IL1RL2: variants seen among roughly 807,000 people sequenced by gnomAD.
IL1RL2 encodes interleukin 1 receptor like 2, also known as interleukin-1 receptor-like 2.
In IL1RL2, 68 loss-of-function variants were observed where a neutral mutation model predicts 66.8. The observed-to-expected ratio is 1.02, with a 90% CI of 0.84 to 1.25. The LOEUF is 1.25. Ranked by LOEUF, IL1RL2 falls within the 50% of genes most tolerant of loss-of-function variation. The probability of loss-of-function intolerance (pLI) is 0.00; values close to 1 mark genes in which losing one functional copy is unlikely to be tolerated. For missense variants in IL1RL2, 729 were observed against 709.3 expected, an observed-to-expected ratio of 1.03 and a Z score of -0.32; for synonymous variants, 305 against 264.6, an observed-to-expected ratio of 1.15 and a Z score of -1.48.
At chr2:102,240,361 C>CTTT (rs551743835), downstream of IL1RL2, among the ~76,000 whole-genome samples, 1,143 of 79,748 alleles carry the variant, frequency 0.014, 135 homozygotes, top group East Asian at 0.056. Context: ...TCTTCTCCTC[C>CTTT]TTTTTTTTTT....
chr2:102,227,710 AG>A (rs1416155925), intron 9 of IL1RL2, among the ~76,000 whole-genome samples: 2 of 152,010 alleles, frequency 1.3e-5, no homozygotes, highest in Admixed American at 1.3e-4. Flanking sequence ...CACAGAGTTG[AG>A]TGGTTCAGTT....
At chr2:102,206,548 G>T (rs1296390396) in intron 5 of IL1RL2, among the ~76,000 whole-genome samples, 1 of 152,228 alleles carries the variant, frequency 6.6e-6, no homozygotes, top group Non-Finnish European at 1.5e-5. Context: ...ATCAGGCAGA[G>T]ACTTGTTCTC....
chr2:102,214,549 A>T (rs1689442375), intron 6 of IL1RL2, among the ~76,000 whole-genome samples: 1 of 152,206 alleles, frequency 6.6e-6, no homozygotes, highest in South Asian at 2.1e-4. Context: ...ACATAAAAGA[A>T]TATGTGTTTT....
At chr2:102,207,547 G>A (rs1411846273) in intron 5 of IL1RL2, among the ~76,000 whole-genome samples, 8 of 152,210 alleles carry the variant, frequency 5.3e-5, no homozygotes, top group African/African-American at 1.9e-4. Flanking sequence ...GGGAGGCCTG[G>A]AACAGGGGCT....
chr2:102,218,102 C>CA (rs1443996989), intron 6 of IL1RL2, among the ~76,000 whole-genome samples: 2 of 151,740 alleles, frequency 1.3e-5, no homozygotes, highest in African/African-American at 2.4e-5. Flanking sequence ...AAACAAAAAA[C>CA]AAAAAACAGA....
rs149503523 is a variant in IL1RL2 at position 102,226,327 on chromosome 2, C to G, written c.1135+286C>G. Among the ~76,000 whole-genome samples, 4 of 152,144 alleles carry G rather than the reference C, an allele frequency of 2.6e-5. No individual in the cohort carries two copies. The East Asian group carries it at 7.7e-4, about 29-fold the overall frequency. On this transcript the variant is annotated intron_variant, in intron 9 of 11. Coordinates refer to ENST00000264257, the MANE Select transcript of IL1RL2 (RefSeq NM_003854.4). ...TGCAACCATGTTACAAAAGTTTCCA[C>G]GTCCATCCTCCGTCCACTGCGGGAA...
chr2:102,223,161 A>G (rs182315300), intron 8 of IL1RL2, among the ~76,000 whole-genome samples: 1 of 152,266 alleles, frequency 6.6e-6, no homozygotes, highest in East Asian at 1.9e-4. Context: ...TCTCAAATGT[A>G]GAGTATTTTG....
intron 6 of IL1RL2, among the ~76,000 whole-genome samples, chr2:102,218,106 A>AAACAAAT (rs1211498178): frequency 2.0e-5 from 3 of 152,138 alleles, no homozygotes; most frequent in Non-Finnish European, 4.4e-5. Flanking sequence ...AAAAAACAAA[A>AAACAAAT]AACAGAACAA....
At chr2:102,237,655 C>T (rs563745836) in intron 11 of IL1RL2, among the ~76,000 whole-genome samples, 7 of 152,108 alleles carry the variant, frequency 4.6e-5, no homozygotes, top group Non-Finnish European at 1.0e-4. Context: ...TGCAAAGAAA[C>T]TTTTTAAAGT....
chr2:102,230,262 T>G (rs1315015001), intron 9 of IL1RL2, among the ~76,000 whole-genome samples: 1 of 152,186 alleles, frequency 6.6e-6, no homozygotes, highest in Non-Finnish European at 1.5e-5. Context: ...CTTTTCCCAT[T>G]TTCTATCTAT....
chr2:102,228,545 G>A (rs952650561), intron 9 of IL1RL2, among the ~76,000 whole-genome samples: 1 of 152,150 alleles, frequency 6.6e-6, no homozygotes, highest in African/African-American at 2.4e-5. Flanking sequence ...ATGTGTGTAC[G>A]AGGATGGAAG....
At chr2:102,189,762 C>T (rs1245845402) in intron 3 of IL1RL2, among the ~76,000 whole-genome samples, 1 of 152,182 alleles carries the variant, frequency 6.6e-6, no homozygotes, top group Non-Finnish European at 1.5e-5. Flanking sequence ...GGATTATAGG[C>T]GCTTGGCTAT....
chr2:102,219,125 A>G (rs1365571131), intron 7 of IL1RL2, 43 bp downstream of exon 7: 2 of 1,609,826 alleles, frequency 1.2e-6, no homozygotes, highest in Non-Finnish European at 1.7e-6. Flanking sequence ...GCTAGCAAGG[A>G]TTTCTCCATC....
At chr2:102,239,104 G>A (rs966684883) in intron 11 of IL1RL2, 88 bp from the exon 12 acceptor site, 2 of 1,185,842 alleles carry the variant, frequency 1.7e-6, no homozygotes, top group African/African-American at 1.5e-5. Context: ...CAAGGTGGAG[G>A]TTTTCGCATT....
intron 4 of IL1RL2, among the ~76,000 whole-genome samples, chr2:102,195,609 C>CTTTCTTTCTTTCTTTCTTTCTT (rs1687649752): frequency 1.1e-4 from 2 of 17,910 alleles, no homozygotes; most frequent in African/African-American, 3.0e-4. Flanking sequence ...TTCTTTCTTT[C>CTTTCTTTCTTTCTTTCTTTCTT]TTTCTTTCTT....
At position 102,233,091 on chromosome 2, in the gene IL1RL2, T is replaced by C. The variant is rs1490844923; in HGVS notation, c.1264T>C (p.Phe422Leu). ...GGAGAGACAATGTGGATATAAGTTG[T>C]TTATATTCGGCAGAGATGAATTCCC... The part of the protein sequence containing the change: ...VLERQCGYKL[F>L]IFGRDEFPGQ... The change falls in exon 10 of 12, where the codon TTT (phenylalanine) becomes CTT (leucine). Residue 422 changes from phenylalanine (F) to leucine (L), a missense_variant. Transcript: ENST00000264257. 1.9e-6 allele frequency: 3 copies of C among 1,613,568 alleles called. No individual in the cohort carries two copies. The highest frequency in any genetic ancestry group is 2.5e-6 in the Non-Finnish European group (3 of 1,179,652).
In IL1RL2 at chr2:102,189,211, T is replaced by G; in HGVS notation, c.194T>G (p.Val65Gly). ...TATAAAAATTCTAGCAAAATCCCAG[T>G]GTCCAAAATCATACAGTCTAGAATT... The part of the protein sequence containing the change: ...TWYKNSSKIP[V>G]SKIIQSRIHQ... The change falls in exon 3 of 12, where the codon GTG (valine) becomes GGG (glycine). Residue 65 changes from valine to glycine, a missense_variant. Coordinates refer to ENST00000264257, the MANE Select transcript of IL1RL2 (RefSeq NM_003854.4). The G allele has an allele frequency of 1.2e-6, 2 of 1,614,154 alleles. No individual in the cohort carries two copies. Among genetic ancestry groups the G allele is most frequent in the Non-Finnish European group, 1.7e-6 (2 of 1,179,988 alleles).
chr2:102,235,900 G>A, intron 11 of IL1RL2: 1 of 985,446 alleles, frequency 1.0e-6, no homozygotes, highest in Non-Finnish European at 1.2e-6. Flanking sequence ...GAGTGGCCAT[G>A]ACTGCCTCTT....
chr2:102,233,398 C>A (rs1000765036), intron 10 of IL1RL2, among the ~76,000 whole-genome samples: 1 of 152,106 alleles, frequency 6.6e-6, no homozygotes, highest in Non-Finnish European at 1.5e-5. Context: ...TATGGTTAAG[C>A]CATTCACAGA....
Sources: gnomAD v4.1 joint callset for allele counts (sites outside exome capture counted in the v4.1 genomes callset) on GRCh38, gnomAD v4.1.1 for gene constraint, MANE v1.5 for transcripts, NCBI Gene and HGNC (gene_info 2026-07-23, HGNC 2026-07-21) for gene names.